The following MCU variants were observed in gnomAD, a reference collection of about 807,000 sequenced individuals.
MCU encodes the protein calcium uniporter protein, mitochondrial.
MCU carries 12 observed loss-of-function variants against 45.2 expected under a neutral mutation model. That is an observed-to-expected ratio of 0.27 (90% CI 0.17 to 0.43). The LOEUF is 0.43. MCU is among the 20% of genes least tolerant of loss of function. The pLI is 1.00. For missense variants in MCU, 324 were observed against 436.7 expected, an observed-to-expected ratio of 0.74 and a Z score of 2.30; for synonymous variants, 160 against 165.1, an observed-to-expected ratio of 0.97 and a Z score of 0.24.
At chr10:72,885,338 A>G (rs1845761260) in intron 7 of MCU, among the ~76,000 whole-genome samples, 1 of 152,228 alleles carries the variant, frequency 6.6e-6, no homozygotes, top group Non-Finnish European at 1.5e-5. Flanking sequence ...GGCTAAGTAA[A>G]AACTTAAACA....
intron 1 of MCU, among the ~76,000 whole-genome samples, chr10:72,813,397 A>G (rs534570697): frequency 6.6e-6 from 1 of 151,984 alleles, no homozygotes; most frequent in Non-Finnish European, 1.5e-5. Flanking sequence ...AAAATCAGGT[A>G]AAACTTGGGA....
chr10:72,770,933 G>A (rs951538835), intron 1 of MCU, among the ~76,000 whole-genome samples: 4 of 151,784 alleles, frequency 2.6e-5, no homozygotes, highest in South Asian at 2.1e-4. Flanking sequence ...ATTACTTTTC[G>A]GGGTCATGTG....
chr10:72,702,074 T>C (rs1373965595), intron 1 of MCU, among the ~76,000 whole-genome samples: 1 of 150,882 alleles, frequency 6.6e-6, no homozygotes, highest in East Asian at 2.0e-4. Context: ...ACCCCATCTC[T>C]ATTAAAAATA....
At chr10:72,801,124 A>G (rs572621609) in intron 1 of MCU, among the ~76,000 whole-genome samples, 1 of 152,248 alleles carries the variant, frequency 6.6e-6, no homozygotes, top group South Asian at 2.1e-4. Flanking sequence ...GAAGTGAGAA[A>G]CCAAAAATTT....
rs574697343 is a variant in MCU at position 72,870,813 on chromosome 10, A to C, written c.658-564A>C. Among the ~76,000 whole-genome samples, 19 of 152,342 alleles carry C rather than the reference A, an allele frequency of 1.2e-4. 1 individual carries two copies. In the South Asian group the frequency reaches 3.9e-3, roughly 32 times the overall value. Reference sequence around the variant, plus strand: ...AGAAGATAATCTTGTGACTGGATGAAGACCTCTTGAAACTGAGTTATTCAT... The same window carrying C: ...AGAAGATAATCTTGTGACTGGATGACGACCTCTTGAAACTGAGTTATTCAT... On this transcript the variant is annotated intron_variant, in intron 5 of 7. Coordinates refer to ENST00000373053, the MANE Select transcript of MCU (RefSeq NM_138357.3).
At chr10:72,806,645 C>T (rs1048083378) in intron 1 of MCU, among the ~76,000 whole-genome samples, 4 of 151,964 alleles carry the variant, frequency 2.6e-5, no homozygotes, top group African/African-American at 9.7e-5. Context: ...AGGGTGGGAA[C>T]AATAAATCAA....
chr10:72,858,326 C>T (rs1245706381), intron 2 of MCU, among the ~76,000 whole-genome samples: 1 of 152,170 alleles, frequency 6.6e-6, no homozygotes, highest in Non-Finnish European at 1.5e-5. Context: ...GTGGAGTTTT[C>T]AGCTCTCTGG....
At chr10:72,713,270 G>C (rs973258120) in intron 1 of MCU, among the ~76,000 whole-genome samples, 1 of 152,150 alleles carries the variant, frequency 6.6e-6, no homozygotes, top group Non-Finnish European at 1.5e-5. Context: ...AGTAATGGGA[G>C]AGTTTTTTTT....
At chr10:72,718,322 A>C (rs1842978823) in intron 1 of MCU, among the ~76,000 whole-genome samples, 1 of 152,162 alleles carries the variant, frequency 6.6e-6, no homozygotes. Flanking sequence ...ATTGTTTCTA[A>C]ATTTTAGCAT....
At chr10:72,728,655 GGTGGGAGT>G (rs1374476790) in intron 1 of MCU, among the ~76,000 whole-genome samples, 2 of 152,144 alleles carry the variant, frequency 1.3e-5, no homozygotes, top group African/African-American at 4.8e-5. Context: ...TAGCTAATGT[GGTGGGAGT>G]GTGGGAGTGA....
chr10:72,848,652 G>A (rs1845158804), intron 2 of MCU, among the ~76,000 whole-genome samples: 1 of 152,132 alleles, frequency 6.6e-6, no homozygotes, highest in Non-Finnish European at 1.5e-5. Flanking sequence ...AATACTTACA[G>A]GCAAGAATTA....
chr10:72,794,806 A>G (rs1354282315), intron 1 of MCU, among the ~76,000 whole-genome samples: 2 of 152,094 alleles, frequency 1.3e-5, no homozygotes, highest in Non-Finnish European at 2.9e-5. Flanking sequence ...GCCTGCCCTT[A>G]AGATCTTTAA....
chr10:72,866,719 G>A (rs1357309923), intron 4 of MCU, among the ~76,000 whole-genome samples: 3 of 152,078 alleles, frequency 2.0e-5, no homozygotes, highest in East Asian at 3.9e-4. Context: ...TGGGGAAGAT[G>A]GAAGAAATCT....
intron 1 of MCU, among the ~76,000 whole-genome samples, chr10:72,757,772 AT>A (rs1390109038): frequency 6.6e-6 from 1 of 152,216 alleles, no homozygotes; most frequent in East Asian, 1.9e-4. Flanking sequence ...AAGAAATATA[AT>A]TTTTCCTTAA....
chr10:72,773,800 T>C (rs1264879585), intron 1 of MCU, among the ~76,000 whole-genome samples: 1 of 152,080 alleles, frequency 6.6e-6, no homozygotes, highest in African/African-American at 2.4e-5. Flanking sequence ...GGAAACCATA[T>C]AGGCCAAGAG....
intron 2 of MCU, among the ~76,000 whole-genome samples, chr10:72,835,274 A>G (rs945140128): frequency 2.0e-5 from 3 of 152,178 alleles, no homozygotes; most frequent in African/African-American, 7.2e-5. Flanking sequence ...TGTTGTTTTT[A>G]TGGTAGTGGA....
intron 1 of MCU, among the ~76,000 whole-genome samples, chr10:72,716,751 A>T (rs1379790445): frequency 2.0e-5 from 3 of 151,496 alleles, no homozygotes; most frequent in Non-Finnish European, 2.9e-5. Context: ...ATGCCCCTGT[A>T]GTTATGGCTA....
At chr10:72,863,762 C>G (rs550566712) in intron 4 of MCU, among the ~76,000 whole-genome samples, 140 of 152,114 alleles carry the variant, frequency 9.2e-4, no homozygotes, top group Middle Eastern at 3.4e-3. Context: ...ATTACAGGCA[C>G]GTGCCACCAT....
intron 1 of MCU, among the ~76,000 whole-genome samples, chr10:72,832,934 A>ATGTGTGTGTGTGTGTGTGTGTGTGTGTG (rs6143982): frequency 0.021 from 3,052 of 143,804 alleles, 62 homozygotes; most frequent in Non-Finnish European, 0.028. Flanking sequence ...ACCAATAGCT[A>ATGTGTGTGTGTGTGTGTGTGTGTGTGTG]TGTGTGTGTG....
Sources: gnomAD v4.1 joint callset for allele counts (sites outside exome capture counted in the v4.1 genomes callset) on GRCh38, gnomAD v4.1.1 for gene constraint, MANE v1.5 for transcripts, NCBI Gene and HGNC (gene_info 2026-07-23, HGNC 2026-07-21) for gene names.